The following SIGLEC11 variants were observed in gnomAD, a reference collection of about 807,000 sequenced individuals.
SIGLEC11 encodes sialic acid binding Ig like lectin 11.
SIGLEC11 carries 47 observed loss-of-function variants against 61.2 expected under a neutral mutation model. That is an observed-to-expected ratio of 0.77 (90% CI 0.61 to 0.98). The LOEUF (loss-of-function observed/expected upper bound fraction) is 0.98. Among genes scored for constraint, SIGLEC11 ranks in the 50% least tolerant of loss-of-function variants. SIGLEC11 has a pLI of 0.00. For synonymous variants in SIGLEC11, 278 were observed against 373.1 expected, an observed-to-expected ratio of 0.75 and a Z score of 2.94; for missense variants, 610 against 870.3, an observed-to-expected ratio of 0.70 and a Z score of 3.76.
In SIGLEC11 at chr19:49,951,432, C is replaced by A. The variant is rs568037068; in HGVS notation, c.1830+459G>T. Among the ~76,000 whole-genome samples, 2 of 152,164 alleles carry A rather than the reference C, an allele frequency of 1.3e-5. No homozygotes were observed. Among genetic ancestry groups the A allele is most frequent in the Non-Finnish European group, 2.9e-5 (2 of 68,006 alleles). On this transcript the variant is annotated intron_variant, in intron 10 of 10. Transcript: ENST00000447370. This position sits in a 1 kb window ranked among gnomAD's most constrained non-coding sequence, Gnocchi z 4.6. ...GGATCACAGCTCTCAGTGAGTCCTG[C>A]GAGTCCTAGGGGGTTATCCAACCTC... is the stretch of plus-strand genomic sequence containing the variant.
Position 49,958,708 on chromosome 19 carries a change from T to C in SIGLEC11, c.1298A>G (p.Glu433Gly). The change falls in exon 7 of 11, where the codon GAG becomes GGG. Residue 433 changes from glutamate to glycine, a missense_variant. By Grantham distance (98) the Glu-to-Gly change is moderately conservative. Around this residue, in one of 6 missense-constraint regions of SIGLEC11, gnomAD observed 432 missense variants for 441.5 expected, o/e 0.98. Coordinates refer to ENST00000447370, the MANE Select transcript of SIGLEC11 (RefSeq NM_052884.3). ...AGGGTGCTGAGCGTGGCAGGTGAAC[T>C]CTCCTTCGTGCTCCATTTGAATGGG... ...LPPIQMEHEG[E>G]FTCHAQHPLG... The C allele has an allele frequency of 1.2e-6, 2 of 1,613,018 alleles. No individual in the cohort carries two copies. Among genetic ancestry groups the C allele is most frequent in the Non-Finnish European group, 1.7e-6 (2 of 1,179,432 alleles).
In SIGLEC11 at chr19:49,958,335, C is replaced by T; in HGVS notation, c.1599G>A (p.Lys533=). Residue 533 remains lysine, a synonymous_variant, in exon 8 of 11, where the codon AAG becomes AAA. Coordinates refer to ENST00000447370, the MANE Select transcript of SIGLEC11 (RefSeq NM_052884.3). ...GLSSGLRLRC[K]AWNVHGAQSG... is the part of the protein sequence containing the mutation. ...TCTGGGCCCCGTGGACGTTCCAGGC[C>T]TTACAGCGGAGCCTGAGGCCGGAGC... 6.2e-7 allele frequency: 1 copy of T among 1,614,232 alleles called. No individual in the cohort carries two copies. The highest frequency in any genetic ancestry group is 8.5e-7 in the Non-Finnish European group (1 of 1,180,042).
At chr19:49,957,739 C>A (rs202116454) in intron 8 of SIGLEC11, among the ~76,000 whole-genome samples, 2 of 152,204 alleles carry the variant, frequency 1.3e-5, no homozygotes, top group East Asian at 3.8e-4. Context: ...CGGTGGCACA[C>A]GCCTGTAATC....
rs2122910215 is a variant in SIGLEC11 at position 49,958,460 on chromosome 19, C to G, written c.1474G>C (p.Glu492Gln). The change falls in exon 8 of 11, where the codon GAG (glutamate) becomes CAG (glutamine). Residue 492 changes from glutamate to glutamine, a missense_variant. Physicochemically the swap from Glu to Gln is conservative, Grantham distance 29 (BLOSUM62 2). Around this residue, in one of 6 missense-constraint regions of SIGLEC11, gnomAD observed 432 missense variants for 441.5 expected, o/e 0.98. Transcript: ENST00000447370. Reference protein sequence around the residue: ...APSLRWWLGEELLEGNSSQGS... With the variant: ...APSLRWWLGEQLLEGNSSQGS... ...TGACTGCTGTTCCCCTCCAGCAGCT[C>G]CTCCCCAAGCCACCAGCGCAGAGAG... The G allele has an allele frequency of 1.2e-6, 2 of 1,613,046 alleles. No individual in the cohort carries two copies. The highest frequency in any genetic ancestry group is 2.7e-5 in the African/African-American group (2 of 75,038).
In SIGLEC11 at chr19:49,952,916, A is replaced by G. The variant is rs1439618665; in HGVS notation, c.1652-522T>C. Among the ~76,000 whole-genome samples, 3 of 152,186 alleles carry G rather than the reference A, an allele frequency of 2.0e-5. No homozygotes were observed. In the East Asian group the frequency reaches 5.8e-4, roughly 29 times the overall value. On this transcript the variant is annotated intron_variant, in intron 8 of 10. Transcript: ENST00000447370. ...CTGTTTTACTTTTGTAAGTCTGCTC[A>G]TAAAAACCTCGCTCTGTCTTTGTTT... is the stretch of plus-strand genomic sequence containing the variant.
rs12610155 is a variant in SIGLEC11 at position 49,951,973 on chromosome 19, C to A, written c.1749-1G>T. On this transcript the variant is annotated splice_acceptor_variant, in intron 9 of 10. Transcript: ENST00000447370. LOFTEE classifies it high-confidence loss of function. This position sits in a 1 kb window ranked among gnomAD's most constrained non-coding sequence, Gnocchi z 4.6. ...AGCTTCCTTCCTGCAGATCTTCACC[C>A]TGAGGGAGGAGGCAGTGCCCTTCAG... 6.2e-7 allele frequency: 1 copy of A among 1,608,536 alleles called. No homozygotes were observed. The highest frequency in any genetic ancestry group is 1.7e-5 in the Admixed American group (1 of 59,604).
At chr19:49,957,706 A>G (rs1270514142) in intron 8 of SIGLEC11, among the ~76,000 whole-genome samples, 1 of 152,232 alleles carries the variant, frequency 6.6e-6, no homozygotes, top group African/African-American at 2.4e-5. Flanking sequence ...GTCCGCTTAT[A>G]AACACACTGC....
At position 49,960,375 on chromosome 19, in the gene SIGLEC11, G is replaced by C; in HGVS notation, c.507C>G (p.Pro169=). The C allele has an allele frequency of 6.3e-7, 1 of 1,598,724 alleles. No individual in the cohort carries two copies. The highest frequency in any genetic ancestry group is 8.5e-7 in the Non-Finnish European group (1 of 1,178,420). Residue 169 remains proline (P), a synonymous_variant, in exon 3 of 11, where the codon CCC becomes CCG. Transcript: ENST00000447370. ...CACAGATGACCGTCACCGGCTGCCC[G>C]GGCTCCAGGGTCTCGGGGATGTAGA... ...PDVYIPETLE[P]GQPVTVICVF...
rs1435952909 is a variant in SIGLEC11, at chr19:49,958,344, G to A, written c.1590C>T (p.Leu530=). ...CGTGGACGTTCCAGGCCTTACAGCG[G>A]AGCCTGAGGCCGGAGCTGAGCCCTC... The part of the protein sequence containing the change: ...LHGGLSSGLR[L]RCKAWNVHGA... Residue 530 remains leucine, a synonymous_variant, in exon 8 of 11, where the codon CTC becomes CTT. Coordinates refer to ENST00000447370, the MANE Select transcript of SIGLEC11 (RefSeq NM_052884.3). The A allele has an allele frequency of 1.9e-6, 3 of 1,614,106 alleles. No homozygotes were observed. The highest frequency in any genetic ancestry group is 2.2e-5 in the South Asian group (2 of 91,094).
At position 49,958,506 on chromosome 19, in the gene SIGLEC11, G is replaced by T. The variant is rs2076215067; in HGVS notation, c.1428C>A (p.Ser476=). 1 of 1,608,926 alleles carries T rather than the reference G, an allele frequency of 6.2e-7. No individual in the cohort carries two copies. Residue 476 remains serine, a synonymous_variant, in exon 8 of 11, where the codon TCC becomes TCA. Transcript: ENST00000447370. The part of the protein sequence containing the change: ...WEAEGLHCSC[S]SQASPAPSLR... ...GAGAGGGGGCCGGGCTGGCCTGGGAGGAGCAGCTGCAGTGCAGACCCTCAG... is the reference window on the plus strand; with the variant it reads ...GAGAGGGGGCCGGGCTGGCCTGGGATGAGCAGCTGCAGTGCAGACCCTCAG...
chr19:49,959,125 T>G, intron 5 of SIGLEC11, 48 bp from the exon 6 acceptor site: 1 of 1,608,408 alleles, frequency 6.2e-7, no homozygotes, highest in South Asian at 1.1e-5. Flanking sequence ...GGGGCTTCCC[T>G]CTGGGTAAAG....
At position 49,960,270 on chromosome 19, in the gene SIGLEC11, T is replaced by A; in HGVS notation, c.612A>T (p.Arg204Ser). Residue 204 changes from arginine (R) to serine (S), a missense_variant, in exon 3 of 11, where the codon AGA (arginine) becomes AGT (serine). Coordinates refer to ENST00000447370, the MANE Select transcript of SIGLEC11 (RefSeq NM_052884.3). ...GCACTGAGAAGTGGGAGGTGCTTGG[T>A]CTGGTTCTTCTAGGGGAGAGGGCAG... Reference protein sequence around the residue: ...TGAALSPRRTRPSTSHFSVLS... With the variant: ...TGAALSPRRTSPSTSHFSVLS... The A allele has an allele frequency of 6.3e-7, 1 of 1,595,258 alleles. No individual in the cohort carries two copies. The highest frequency in any genetic ancestry group is 8.5e-7 in the Non-Finnish European group (1 of 1,170,044).
At chr19:49,957,677 T>G (rs2076206829) in intron 8 of SIGLEC11, among the ~76,000 whole-genome samples, 2 of 152,374 alleles carry the variant, frequency 1.3e-5, no homozygotes, top group African/African-American at 4.8e-5. Flanking sequence ...AATTAACCGC[T>G]TTTGTTTTAC....
Position 49,952,333 on chromosome 19 carries a change from G to A in SIGLEC11, c.1713C>T (p.Ala571=), listed in dbSNP as rs769532691. Residue 571 remains alanine, a synonymous_variant, in exon 9 of 11, where the codon GCC becomes GCT. Transcript: ENST00000447370. ...LGAALGAGVA[A]LLAFCSCLVV... ...CAAGGCAGGAACAGAAAGCGAGCAG[G>A]GCAGCGACGCCAGCTCCCAGGGCAG... 3 of 1,611,750 alleles carry A rather than the reference G, an allele frequency of 1.9e-6. No homozygotes were observed. Among genetic ancestry groups the A allele is most frequent in the Non-Finnish European group, 2.5e-6 (3 of 1,179,976 alleles).
chr19:49,956,807 T>A (rs1057423534), intron 8 of SIGLEC11, among the ~76,000 whole-genome samples: 1 of 152,130 alleles, frequency 6.6e-6, no homozygotes, highest in African/African-American at 2.4e-5. Flanking sequence ...TGCATTAGAT[T>A]TACTGGCCCA....
chr19:49,952,201 C>T, intron 9 of SIGLEC11, 97 bp downstream of exon 9: 2 of 1,305,290 alleles, frequency 1.5e-6, no homozygotes, highest in Non-Finnish European at 2.2e-6. Flanking sequence ...AGTTCTCACA[C>T]CCACTGCCCC....
rs2076231878 is a variant in SIGLEC11, at chr19:49,960,125, G to A, written c.745+12C>T. 6.9e-7 allele frequency: 1 copy of A among 1,447,072 alleles called. No homozygotes were observed. Among genetic ancestry groups the A allele is most frequent in the East Asian group, 2.3e-5 (1 of 43,406 alleles). The allele number at this position is 1,447,072 out of a possible 1,614,324, so 89.6% of individuals were successfully genotyped here. Reference sequence around the variant, plus strand: ...GCTGTCTGCACGCCCCACCCTCCCAGGCCACACTCACAGGCCACACGGAGT... The same window carrying A: ...GCTGTCTGCACGCCCCACCCTCCCAAGCCACACTCACAGGCCACACGGAGT... On this transcript the variant is annotated intron_variant, in intron 3 of 10. Transcript: ENST00000447370.
At chr19:49,953,821 T>G (rs1400276653) in intron 8 of SIGLEC11, among the ~76,000 whole-genome samples, 2 of 152,052 alleles carry the variant, frequency 1.3e-5, no homozygotes, top group African/African-American at 4.8e-5. Flanking sequence ...AAGGAAGGAA[T>G]AGAAGGAAAG....
rs541456945 is a variant in SIGLEC11, at chr19:49,951,168, C to T, written c.1830+723G>A. 5.9e-5 allele frequency among the ~76,000 whole-genome samples: 9 copies of T among 152,288 alleles called. No homozygotes were observed. In the South Asian group the frequency reaches 1.0e-3, roughly 18 times the overall value. ...GTCAGTGGCAAGTCCCCCATGCCTG[C>T]GTGACCCACCCCCAGTGAACCCTGG... On this transcript the variant is annotated intron_variant, in intron 10 of 10. Transcript: ENST00000447370. The surrounding 1 kb of genome is among the most constrained non-coding windows in gnomAD (Gnocchi z 4.6).
Sources: gnomAD v4.1 joint callset for allele counts (sites outside exome capture counted in the v4.1 genomes callset) on GRCh38, gnomAD v4.1.1 for gene constraint, gnomAD v4.1.1 regional missense constraint, Gnocchi (gnomAD v3.1) non-coding constraint, MANE v1.5 for transcripts, NCBI Gene and HGNC (gene_info 2026-07-23, HGNC 2026-07-21) for gene names.